Variants in STK4 observed in about 807,000 individuals in gnomAD.
The protein encoded by STK4 is serine/threonine-protein kinase 4.
In STK4, 30 loss-of-function variants were observed where a neutral mutation model predicts 64.9. The observed-to-expected ratio is 0.46, with a 90% CI of 0.35 to 0.63. STK4 has a LOEUF of 0.63. STK4 is among the 20% of genes least tolerant of loss of function. The pLI is 0.01. For synonymous variants in STK4, 177 were observed against 199.0 expected (o/e 0.89, Z 0.93); for missense variants, 466 against 598.5 (o/e 0.78, Z 2.31).
chr20:45,062,418 T>C lies in STK4; in HGVS notation c.1306-12600T>C, dbSNP rs535749316. Among the ~76,000 whole-genome samples, 7 of 152,328 alleles carry C rather than the reference T, an allele frequency of 4.6e-5. No homozygotes were observed. In the East Asian group the frequency reaches 1.3e-3, roughly 29 times the overall value. On this transcript the variant is annotated intron_variant, in intron 10 of 10. Coordinates refer to ENST00000372806, the MANE Select transcript of STK4 (RefSeq NM_006282.5). The stretch of plus-strand genomic sequence containing the variant: ...CATTATTGTGCATGTGTCTTCATGA[T>C]TTATATTCCTTTAGGCATATACCCA...
chr20:45,059,653 C>T (rs1754033852), intron 10 of STK4, among the ~76,000 whole-genome samples: 1 of 152,130 alleles, frequency 6.6e-6, no homozygotes, highest in Non-Finnish European at 1.5e-5. Context: ...TGGAAGTTTC[C>T]ATTTAATATT....
chr20:45,050,544 A>T (rs1413718654), intron 10 of STK4, among the ~76,000 whole-genome samples: 1 of 152,176 alleles, frequency 6.6e-6, no homozygotes, highest in Non-Finnish European at 1.5e-5. Context: ...ACATATTGTT[A>T]AATTTCCCTA....
intron 10 of STK4, among the ~76,000 whole-genome samples, chr20:45,067,157 T>TG (rs1237564901): frequency 6.6e-6 from 1 of 152,132 alleles, no homozygotes; most frequent in Non-Finnish European, 1.5e-5. Context: ...TGGCCAGTGT[T>TG]GAGGTATGGG....
chr20:44,974,637 A>ATT (rs1301911363), intron 2 of STK4: 2 of 151,834 alleles, frequency 1.3e-5, no homozygotes, highest in East Asian at 3.9e-4. Flanking sequence ...CGCCCGACTT[A>ATT]TTTTTTGTAT....
chr20:45,004,537 G>A (rs943629987), intron 9 of STK4: 7 of 144,338 alleles, frequency 4.8e-5, no homozygotes, highest in Non-Finnish European at 9.1e-5. Flanking sequence ...TTTTTTTCTT[G>A]TAAATTTGTG....
At chr20:45,025,259 T>A in intron 10 of STK4, 129 bp downstream of exon 10, 2 of 1,068,358 alleles carry the variant, frequency 1.9e-6, no homozygotes, top group Admixed American at 6.2e-5. Context: ...TCTACTGAGC[T>A]GAAGGACAGT....
At chr20:45,050,353 A>G (rs1290075844) in intron 10 of STK4, among the ~76,000 whole-genome samples, 1 of 152,224 alleles carries the variant, frequency 6.6e-6, no homozygotes, top group East Asian at 1.9e-4. Context: ...CAGTCTCTCA[A>G]AACATTTGTG....
intron 10 of STK4, among the ~76,000 whole-genome samples, chr20:45,034,020 T>G (rs2068487842): frequency 6.6e-6 from 1 of 152,018 alleles, no homozygotes; most frequent in African/African-American, 2.4e-5. Context: ...AATCTTACTT[T>G]AAAGATAAAA....
chr20:44,994,965 TG>T (rs1423023370), intron 5 of STK4, 124 bp from the exon 6 acceptor site: 11 of 782,810 alleles, frequency 1.4e-5, no homozygotes, highest in Admixed American at 6.8e-5. Flanking sequence ...ATTTTTTTAT[TG>T]TTGGAAAAGC....
At chr20:45,046,446 G>GAAAA (rs113468179) in intron 10 of STK4, among the ~76,000 whole-genome samples, 3 of 113,646 alleles carry the variant, frequency 2.6e-5, no homozygotes, top group Admixed American at 8.7e-5. Flanking sequence ...AAACTAAAAG[G>GAAAA]AAAAAAAAAA....
At chr20:45,031,174 ATT>A (rs11476805) in intron 10 of STK4, among the ~76,000 whole-genome samples, 34 of 149,280 alleles carry the variant, frequency 2.3e-4, no homozygotes, top group Non-Finnish European at 1.5e-4. Flanking sequence ...ATAATAGCGA[ATT>A]TTTTTTTTTT....
chr20:44,997,134 C>G, intron 6 of STK4, 35 bp from the exon 7 acceptor site: 3 of 1,610,886 alleles, frequency 1.9e-6, no homozygotes, highest in Non-Finnish European at 2.5e-6. Flanking sequence ...TTTTATTTTA[C>G]CAGATCTTTT....
At chr20:45,017,341 A>T (rs1250928858) in intron 9 of STK4, among the ~76,000 whole-genome samples, 1 of 152,172 alleles carries the variant, frequency 6.6e-6, no homozygotes, top group African/African-American at 2.4e-5. Context: ...GCGACGTAGG[A>T]GAAAGGACTT....
At chr20:45,069,033 G>C (rs1022325370) in intron 10 of STK4, among the ~76,000 whole-genome samples, 2 of 152,142 alleles carry the variant, frequency 1.3e-5, no homozygotes, top group African/African-American at 2.4e-5. Context: ...TACTTATTCA[G>C]ACATCCTTTG....
At chr20:44,993,815 C>T (rs576013809) in intron 5 of STK4, among the ~76,000 whole-genome samples, 3 of 152,074 alleles carry the variant, frequency 2.0e-5, no homozygotes, top group Non-Finnish European at 4.4e-5. Flanking sequence ...CTTGTCTCTA[C>T]TAAAAATACA....
At chr20:45,059,538 A>G (rs1825316107) in intron 10 of STK4, among the ~76,000 whole-genome samples, 2 of 152,196 alleles carry the variant, frequency 1.3e-5, no homozygotes. Context: ...GTTATGCTGG[A>G]CAAAGGGATG....
In STK4 at chr20:45,031,704, C is replaced by A. The variant is rs796562055; in HGVS notation, c.1305+6574C>A. 1.8e-4 allele frequency among the ~76,000 whole-genome samples: 28 copies of A among 152,124 alleles called. No individual in the cohort carries two copies. The East Asian group carries it at 4.8e-3, about 26-fold the overall frequency. Reference sequence around the variant, plus strand: ...ACCACGTGAGGTCAGGAGTTTGAGACCAGCCTGGCCAACATGGTGAAACCC... The same window carrying A: ...ACCACGTGAGGTCAGGAGTTTGAGAACAGCCTGGCCAACATGGTGAAACCC... On this transcript the variant is annotated intron_variant, in intron 10 of 10. Transcript: ENST00000372806.
In STK4 at chr20:45,075,744, A is replaced by G. The variant is rs541847458; in HGVS notation, c.*568A>G. The G allele has an allele frequency of 6.5e-6, 1 of 152,896 alleles. No individual in the cohort carries two copies. The highest frequency in any genetic ancestry group is 2.4e-5 in the African/African-American group (1 of 41,576). 9.5% of individuals were successfully genotyped at this position (152,896 alleles called of 1,614,324 possible). ...CCCCTTTGCAGGGCTGCATTTAAAA[A>G]TTAGGTTTGGGACAGTTCTTGTACC... On this transcript the variant is annotated 3_prime_UTR_variant, in exon 11 of 11. Transcript: ENST00000372806.
rs1223821900 is a variant in STK4, at chr20:45,078,295, T to A, written c.*3119T>A. On this transcript the variant is annotated 3_prime_UTR_variant, in exon 11 of 11. Coordinates refer to ENST00000372806, the MANE Select transcript of STK4 (RefSeq NM_006282.5). ...ATCTCGGCTCACTGCAACCTCCGCC[T>A]CCCAGGTTCAAGCAATTCTCCTGCC... 1 of 150,550 alleles carries A rather than the reference T, an allele frequency of 6.6e-6. No individual in the cohort carries two copies. The highest frequency in any genetic ancestry group is 2.0e-4 in the East Asian group (1 of 5,072). The allele number at this position is 150,550 out of a possible 1,614,324, so 9.3% of individuals were successfully genotyped here.
Sources: gnomAD v4.1 joint callset for allele counts (sites outside exome capture counted in the v4.1 genomes callset) on GRCh38, gnomAD v4.1.1 for gene constraint, MANE v1.5 for transcripts, NCBI Gene and HGNC (gene_info 2026-07-23, HGNC 2026-07-21) for gene names.